Variants in DPP6 observed in about 807,000 individuals in gnomAD.
DPP6 encodes A-type potassium channel modulatory protein DPP6.
A neutral mutation model predicts 122.6 loss-of-function variants in DPP6; 69 were observed. The ratio of observed to expected loss-of-function variants is 0.56; its 90% CI spans 0.46 to 0.69. The LOEUF is 0.69. DPP6 is among the 30% of genes least tolerant of loss of function. The pLI, the probability that DPP6 is intolerant of heterozygous loss-of-function variation, is 0.00. For missense variants in DPP6, 928 were observed against 1,116.9 expected, an observed-to-expected ratio of 0.83 and a Z score of 2.41; for synonymous variants, 418 against 433.1, an observed-to-expected ratio of 0.97 and a Z score of 0.43.
At chr7:154,395,919 A>G (rs1437845004) in intron 1 of DPP6, among the ~76,000 whole-genome samples, 1 of 145,618 alleles carries the variant, frequency 6.9e-6, no homozygotes, top group Non-Finnish European at 1.5e-5. Context: ...ATTTTGAGGT[A>G]GTTCTCTTCT....
upstream of DPP6, among the ~76,000 whole-genome samples, chr7:153,884,178 A>G (rs1449203234): frequency 6.6e-6 from 1 of 152,074 alleles, no homozygotes; most frequent in Non-Finnish European, 1.5e-5. Context: ...ACCCCACAAC[A>G]GGCCCCAGTG....
At chr7:154,762,726 T>A (rs1036939927) in intron 8 of DPP6, among the ~76,000 whole-genome samples, 2 of 152,232 alleles carry the variant, frequency 1.3e-5, no homozygotes, top group South Asian at 4.1e-4. Flanking sequence ...GGCTCCGCCA[T>A]CTCTCCTGCA....
the DPP6 span, among the ~76,000 whole-genome samples, chr7:153,748,929 C>A: frequency 6.6e-6 from 1 of 151,522 alleles, no homozygotes; most frequent in East Asian, 2.0e-4. Flanking sequence ...AGAATCTGGG[C>A]CCCTCAACTT....
rs75401328 is a variant in DPP6, at chr7:153,933,324, G to C, written c.51+45590G>C. ...CTTATGTTCCATACAGCTCTAAGCT[G>C]TCTCTGGCTAAAATAGGGAAACATT... On this transcript the variant is annotated intron_variant, in intron 1 of 25. Transcript: ENST00000404039. Among the ~76,000 whole-genome samples, 544 of 152,184 alleles carry C rather than the reference G, an allele frequency of 3.6e-3. 13 individuals are homozygous for C. The East Asian group carries it at 0.086, about 24-fold the overall frequency.
rs1285519233 is a variant in DPP6 at position 154,760,443 on chromosome 7, C to T, written c.884-8974C>T. Among the ~76,000 whole-genome samples, 2 of 152,064 alleles carry T rather than the reference C, an allele frequency of 1.3e-5. No homozygotes were observed. Among genetic ancestry groups the T allele is most frequent in the African/African-American group, 4.8e-5 (2 of 41,420 alleles). The stretch of plus-strand genomic sequence containing the variant: ...TGGTTCTGACAGACTTCAGCCAGTT[C>T]TCTTATCTCGGGGCGGAGGGAGCGT... On this transcript the variant is annotated intron_variant, in intron 8 of 25. Transcript: ENST00000377770. This position sits in a 1 kb window ranked among gnomAD's most constrained non-coding sequence, Gnocchi z 4.5.
intron 1 of DPP6, among the ~76,000 whole-genome samples, chr7:154,181,749 CTTTTT>C (rs57576340): frequency 1.5e-5 from 2 of 134,900 alleles, no homozygotes; most frequent in African/African-American, 2.8e-5. Flanking sequence ...GCATCTCCCT[CTTTTT>C]TTTTTTTTTT....
intron 1 of DPP6, among the ~76,000 whole-genome samples, chr7:154,064,086 A>G (rs1802507249): frequency 6.6e-6 from 1 of 152,078 alleles, no homozygotes; most frequent in Non-Finnish European, 1.5e-5. Context: ...GGGAAAAGCC[A>G]CTGAGTTGTT....
chr7:153,948,837 G>A lies in DPP6; in HGVS notation c.51+61103G>A, dbSNP rs59009305. 5.2e-3 allele frequency among the ~76,000 whole-genome samples: 754 copies of A among 146,362 alleles called. 5 individuals carry two copies. The highest frequency in any genetic ancestry group is 0.018 in the African/African-American group (693 of 39,290). Reference sequence around the variant, plus strand: ...CTGGCCCATACGAGATATTAAACAGGCATGAAATAAACAGGCACAGGTAAA... The same window carrying A: ...CTGGCCCATACGAGATATTAAACAGACATGAAATAAACAGGCACAGGTAAA... On this transcript the variant is annotated intron_variant, in intron 1 of 25. Transcript: ENST00000404039.
intron 5 of DPP6, among the ~76,000 whole-genome samples, chr7:154,575,426 G>T (rs1219593922): frequency 4.6e-3 from 172 of 37,032 alleles, no homozygotes; most frequent in Admixed American, 0.01. Context: ...ATGTGTGTGT[G>T]GTGTGTATGT....
chr7:154,653,253 C>T (rs1836997401), intron 6 of DPP6, among the ~76,000 whole-genome samples: 1 of 152,158 alleles, frequency 6.6e-6, no homozygotes, highest in South Asian at 2.1e-4. Context: ...GCTCGGGAGA[C>T]CAAGGTAGGA....
At chr7:154,374,633 C>T (rs978817946) in intron 1 of DPP6, among the ~76,000 whole-genome samples, 32 of 39,028 alleles carry the variant, frequency 8.2e-4, no homozygotes, top group Admixed American at 2.9e-3. Context: ...TTTTTTGAGA[C>T]GCAGTTTTCC....
intron 16 of DPP6, among the ~76,000 whole-genome samples, chr7:154,851,619 C>T (rs1310353933): frequency 6.6e-6 from 1 of 152,160 alleles, no homozygotes; most frequent in East Asian, 1.9e-4. Context: ...AATATGTGGA[C>T]TTTCAGATCG....
chr7:153,984,053 A>AACACACACACAC (rs528640069), intron 1 of DPP6, among the ~76,000 whole-genome samples: 7 of 132,016 alleles, frequency 5.3e-5, no homozygotes, highest in East Asian at 4.7e-4. Flanking sequence ...TTCTGTCCAT[A>AACACACACACAC]ACACACACAC....
chr7:154,518,442 G>C (rs534972416), intron 3 of DPP6, among the ~76,000 whole-genome samples: 15 of 152,072 alleles, frequency 9.9e-5, no homozygotes, highest in African/African-American at 3.1e-4. Flanking sequence ...GATTTTTTTG[G>C]CAAAATGACT....
rs1246892197 is a variant in DPP6 at position 154,069,835 on chromosome 7, AG to A, written c.243+16774del. ...GGGAGGCCGAGGCGGGCGGATCACG[AG>A]GTTAGGAGATTTCAGGCCATCTTGG... On this transcript the variant is annotated intron_variant, in intron 1 of 25. Transcript: ENST00000377770. Among the ~76,000 whole-genome samples, 448 of 145,364 alleles carry A rather than the reference AG, an allele frequency of 3.1e-3. 2 individuals are homozygous for A. The highest frequency in any genetic ancestry group is 0.011 in the African/African-American group (434 of 39,310).
intron 1 of DPP6, among the ~76,000 whole-genome samples, chr7:154,125,450 A>G (rs1232517734): frequency 6.6e-6 from 1 of 152,202 alleles, no homozygotes; most frequent in African/African-American, 2.4e-5. Context: ...AAGAAACATA[A>G]TGAAATGATG....
chr7:154,098,501 G>C (rs911380435), intron 1 of DPP6, among the ~76,000 whole-genome samples: 1 of 152,098 alleles, frequency 6.6e-6, no homozygotes, highest in South Asian at 2.1e-4. Context: ...TCAGGTCTAG[G>C]CAGGTAATTA....
At chr7:154,779,013 A>AC (rs1554465067) in intron 10 of DPP6, among the ~76,000 whole-genome samples, 4 of 11,224 alleles carry the variant, frequency 3.6e-4, no homozygotes, top group Non-Finnish European at 4.4e-4. Context: ...CACCACCAGC[A>AC]CCCCACCATC....
chr7:153,760,550 C>T, the DPP6 span, among the ~76,000 whole-genome samples: 1 of 152,020 alleles, frequency 6.6e-6, no homozygotes, highest in Admixed American at 6.6e-5. Context: ...AGTTAAGGCC[C>T]CTGGAAATAA....
Sources: gnomAD v4.1 joint callset for allele counts (sites outside exome capture counted in the v4.1 genomes callset) on GRCh38, gnomAD v4.1.1 for gene constraint, Gnocchi (gnomAD v3.1) non-coding constraint, MANE v1.5 for transcripts, NCBI Gene and HGNC (gene_info 2026-07-23, HGNC 2026-07-21) for gene names.